The following TRAF6 variants were observed in gnomAD, a reference collection of about 807,000 sequenced individuals.
TRAF6 encodes TNF receptor-associated factor 6.
In TRAF6, 10 loss-of-function variants were observed where a neutral mutation model predicts 48.4. That is an observed-to-expected ratio of 0.21 (90% CI 0.13 to 0.35). The LOEUF is 0.35. Among genes scored for constraint, TRAF6 ranks in the 10% least tolerant of loss-of-function variants. The probability of loss-of-function intolerance (pLI) is 1.00; values close to 1 mark genes in which losing one functional copy is unlikely to be tolerated. For synonymous variants in TRAF6, 186 were observed against 219.6 expected (o/e 0.85, Z 1.35); for missense variants, 397 against 661.0 (o/e 0.60, Z 4.38).
rs776793890 is a variant in TRAF6, at chr11:36,485,641, G to A, written c.*4197C>T. On this transcript the variant is annotated 3_prime_UTR_variant, in exon 7 of 7. Coordinates refer to ENST00000526995, the MANE Select transcript of TRAF6 (RefSeq NM_004620.4). ...TTTCCCACCTAGAATTATTTTTCAGGATTTTATGACCCGAATTTCCTGTGG... is the reference window on the plus strand; with the variant it reads ...TTTCCCACCTAGAATTATTTTTCAGAATTTTATGACCCGAATTTCCTGTGG... 2.6e-5 allele frequency among the ~76,000 whole-genome samples: 4 copies of A among 152,048 alleles called. No homozygotes were observed. Among genetic ancestry groups the A allele is most frequent in the African/African-American group, 9.7e-5 (4 of 41,346 alleles).
Position 36,487,348 on chromosome 11 carries a change from A to G in TRAF6, c.*2490T>C, listed in dbSNP as rs1194330480. 6.6e-6 allele frequency: 1 copy of G among 152,222 alleles called. No individual in the cohort carries two copies. The highest frequency in any genetic ancestry group is 1.9e-4 in the East Asian group (1 of 5,200). The allele number at this position is 152,222 out of a possible 1,614,324, so 9.4% of individuals were successfully genotyped here. On this transcript the variant is annotated 3_prime_UTR_variant, in exon 7 of 7. Coordinates refer to ENST00000526995, the MANE Select transcript of TRAF6 (RefSeq NM_004620.4). ...CAGGTTAAGGCTTAATTCTGATTGA[A>G]GTAAAAAGTTTTCTATTTGGAATGA...
At chr11:36,509,271 A>G (rs1859861443) in intron 1 of TRAF6, among the ~76,000 whole-genome samples, 1 of 152,254 alleles carries the variant, frequency 6.6e-6, no homozygotes, top group South Asian at 2.1e-4. Flanking sequence ...TACTTTATTT[A>G]GGTGCTTTCT....
At position 36,497,090 on chromosome 11, in the gene TRAF6, A is replaced by G; in HGVS notation, c.606+18T>C. On this transcript the variant is annotated intron_variant, in intron 4 of 6. Transcript: ENST00000526995. The stretch of plus-strand genomic sequence containing the variant: ...TTTTAAGAAGTAGTGAATTTAACAA[A>G]TCCAAGTTAGTACATGCCTCTTTAT... 1 of 1,609,794 alleles carries G rather than the reference A, an allele frequency of 6.2e-7. No individual in the cohort carries two copies. Among genetic ancestry groups the G allele is most frequent in the Non-Finnish European group, 8.5e-7 (1 of 1,178,830 alleles).
At chr11:36,503,125 G>A (rs1277304229) in intron 1 of TRAF6, among the ~76,000 whole-genome samples, 1 of 152,132 alleles carries the variant, frequency 6.6e-6, no homozygotes, top group Non-Finnish European at 1.5e-5. Context: ...TTTTATCCAT[G>A]TTTTGACCAA....
At position 36,497,142 on chromosome 11, in the gene TRAF6, T is replaced by C; in HGVS notation, c.572A>G (p.Asn191Ser). 1.2e-6 allele frequency: 2 copies of C among 1,613,812 alleles called. No homozygotes were observed. Among genetic ancestry groups the C allele is most frequent in the Non-Finnish European group, 1.7e-6 (2 of 1,179,920 alleles). The change falls in exon 4 of 7, where the codon AAC (asparagine) becomes AGC (serine). Residue 191 changes from asparagine (N) to serine (S), a missense_variant. By Grantham distance (46) the Asn-to-Ser change is conservative. This residue lies in a region of TRAF6 where 245 missense variants were observed against 349.1 expected (regional missense o/e 0.70). Coordinates refer to ENST00000526995, the MANE Select transcript of TRAF6 (RefSeq NM_004620.4). ...DCPRRQVSCD[N>S]CAASMAFEDK... ...TTCAAATGCCATTGATGCAGCACAG[T>C]TGTCACAAGAAACCTGTCTCCTTGG...
chr11:36,488,902 C>G lies in TRAF6; in HGVS notation c.*936G>C, dbSNP rs773386192. 7 of 152,236 alleles carry G rather than the reference C, an allele frequency of 4.6e-5. No homozygotes were observed. The highest frequency in any genetic ancestry group is 8.8e-5 in the Non-Finnish European group (6 of 68,036). The allele number at this position is 152,236 out of a possible 1,614,324, so 9.4% of individuals were successfully genotyped here. On this transcript the variant is annotated 3_prime_UTR_variant, in exon 7 of 7. Transcript: ENST00000526995. ...TGAAAACTTCTGGCTCACATAGCTT[C>G]TGTCACCACCAATGAGATGCCACAT...
Position 36,509,093 on chromosome 11 carries a change from T to G in TRAF6, c.-23+955A>C, listed in dbSNP as rs1859856496. Among the ~76,000 whole-genome samples, 4 of 152,070 alleles carry G rather than the reference T, an allele frequency of 2.6e-5. No individual in the cohort carries two copies. The South Asian group carries it at 8.3e-4, about 31-fold the overall frequency. ...AAAGCCCCTCTCCCTTCCCTAGTAA[T>G]CAAAGGAGAATGAATGAAATGATAG... On this transcript the variant is annotated intron_variant, in intron 1 of 6. Coordinates refer to ENST00000526995, the MANE Select transcript of TRAF6 (RefSeq NM_004620.4).
At chr11:36,505,427 C>G (rs1043410802) in intron 1 of TRAF6, among the ~76,000 whole-genome samples, 2 of 152,184 alleles carry the variant, frequency 1.3e-5, no homozygotes, top group African/African-American at 2.4e-5. Context: ...CTGTTAGCTT[C>G]CAACTTTTCT....
In TRAF6 at chr11:36,490,603, T is replaced by C; in HGVS notation, c.804A>G (p.Ser268=). The change falls in exon 7 of 7, where the codon TCA becomes TCG. Residue 268 remains serine, a synonymous_variant. Coordinates refer to ENST00000526995, the MANE Select transcript of TRAF6 (RefSeq NM_004620.4). This position sits in a 1 kb window ranked among gnomAD's most constrained non-coding sequence, Gnocchi z 6.4. ...LARHLQENTQ[S]HMRMLAQAVH... ...CAGCCTGGGCCAACATTCTCATGTG[T>C]GACTGGGTGTTCTCTTGTAGGTGGC... The C allele has an allele frequency of 1.2e-6, 2 of 1,613,748 alleles. No individual in the cohort carries two copies. Among genetic ancestry groups the C allele is most frequent in the South Asian group, 2.2e-5 (2 of 91,066 alleles).
chr11:36,508,550 CAA>C (rs1859841572), intron 1 of TRAF6, among the ~76,000 whole-genome samples: 1 of 152,198 alleles, frequency 6.6e-6, no homozygotes, highest in Admixed American at 6.5e-5. Context: ...AAGAAGTCAA[CAA>C]GTTATGTCTT....
chr11:36,489,752 G>A lies in TRAF6; in HGVS notation c.*86C>T. ...TAGTAGATATTACATATTTCCCGTG[G>A]CTTGTTTGTTTGCATGTTATTGAGA... On this transcript the variant is annotated 3_prime_UTR_variant, in exon 7 of 7. Transcript: ENST00000526995. The A allele has an allele frequency of 7.4e-7, 1 of 1,342,626 alleles. No individual in the cohort carries two copies. The highest frequency in any genetic ancestry group is 1.0e-6 in the Non-Finnish European group (1 of 971,022). The allele number at this position is 1,342,626 out of a possible 1,614,324, so 83.2% of individuals were successfully genotyped here.
chr11:36,489,849 C>T lies in TRAF6; in HGVS notation c.1558G>A (p.Ala520Thr). The change falls in exon 7 of 7, where the codon GCA becomes ACA. Residue 520 changes from alanine (A) to threonine (T), a missense_variant. Ala to Thr is a moderately conservative substitution (Grantham distance 58, BLOSUM62 0). This residue lies in a region of TRAF6 where 74 missense variants were observed against 198.9 expected (regional missense o/e 0.37). Coordinates refer to ENST00000526995, the MANE Select transcript of TRAF6 (RefSeq NM_004620.4). ...CAAGTGAGGGCAAGCTATACCCCTG[C>T]ATCAGTACTTCGTGGCTGAAAACCC... ...REGFQPRSTD[A>T]GV 6.2e-7 allele frequency: 1 copy of T among 1,613,402 alleles called. No individual in the cohort carries two copies. Among genetic ancestry groups the T allele is most frequent in the East Asian group, 2.2e-5 (1 of 44,880 alleles).
At chr11:36,500,405 T>C (rs1330135558) in intron 2 of TRAF6, among the ~76,000 whole-genome samples, 1 of 152,102 alleles carries the variant, frequency 6.6e-6, no homozygotes, top group Non-Finnish European at 1.5e-5. Context: ...CCTGACATGT[T>C]CAAGGGATAG....
At chr11:36,507,074 CGTATATACACATAAATGTATATACGT>C (rs1407302315) in intron 1 of TRAF6, among the ~76,000 whole-genome samples, 49 of 149,770 alleles carry the variant, frequency 3.3e-4, no homozygotes, top group Non-Finnish European at 5.2e-4. Context: ...TGTATATATA[CGTATATACACATAAATGTATATACGT>C]GTATATATGT....
rs886660274 is a variant in TRAF6 at position 36,490,947 on chromosome 11, TC to T, written c.757-298del. On this transcript the variant is annotated intron_variant, in intron 6 of 6. Transcript: ENST00000526995. The surrounding 1 kb of genome is among the most constrained non-coding windows in gnomAD (Gnocchi z 6.4). ...TTTTCTAACTGAGATGCCTGTCCTC[TC>T]CAAGATTAACATTCTACCTGTGCTC... Among the ~76,000 whole-genome samples, 2 of 152,228 alleles carry T rather than the reference TC, an allele frequency of 1.3e-5. No individual in the cohort carries two copies. The highest frequency in any genetic ancestry group is 2.9e-5 in the Non-Finnish European group (2 of 68,050).
In TRAF6 at chr11:36,487,217, A is replaced by G. The variant is rs181261134; in HGVS notation, c.*2621T>C. On this transcript the variant is annotated 3_prime_UTR_variant, in exon 7 of 7. Coordinates refer to ENST00000526995, the MANE Select transcript of TRAF6 (RefSeq NM_004620.4). The stretch of plus-strand genomic sequence containing the variant: ...ATAAATATGGTAAAAGGTGGTTAGT[A>G]ACATACAACATAAAGCCCAAAGGCT... 1 of 152,384 alleles carries G rather than the reference A, an allele frequency of 6.6e-6. No homozygotes were observed. The highest frequency in any genetic ancestry group is 6.5e-5 in the Admixed American group (1 of 15,310). The allele number at this position is 152,384 out of a possible 1,614,324, so 9.4% of individuals were successfully genotyped here. A position where few individuals can be genotyped will look rare whatever the true frequency, so the allele number is the denominator to read the frequency against.
chr11:36,508,365 TA>T (rs1270343781), intron 1 of TRAF6, among the ~76,000 whole-genome samples: 1 of 151,786 alleles, frequency 6.6e-6, no homozygotes, highest in Non-Finnish European at 1.5e-5. Context: ...GTAAAATGAG[TA>T]GTATTGAAAG....
chr11:36,498,801 G>A (rs1421986554), intron 2 of TRAF6, among the ~76,000 whole-genome samples, 161 bp from the exon 3 acceptor site: 1 of 152,132 alleles, frequency 6.6e-6, no homozygotes, highest in Non-Finnish European at 1.5e-5. Context: ...TCCTTTTATG[G>A]AGAGCTTACA....
chr11:36,504,477 A>G (rs1859759734), intron 1 of TRAF6, among the ~76,000 whole-genome samples: 1 of 152,196 alleles, frequency 6.6e-6, no homozygotes, highest in Non-Finnish European at 1.5e-5. Context: ...GACTGCAGAA[A>G]TTCAGTCATA....
Sources: allele counts gnomAD v4.1 joint callset (sites outside exome capture counted in the v4.1 genomes callset), GRCh38; gene constraint gnomAD v4.1.1; regional missense constraint gnomAD v4.1.1; non-coding constraint Gnocchi (gnomAD v3.1); transcripts MANE v1.5; gene names NCBI Gene and HGNC (gene_info 2026-07-23, HGNC 2026-07-21).